The following ACBD6 variants were observed in gnomAD, a reference collection of about 807,000 sequenced individuals.
The protein encoded by ACBD6 is acyl-CoA-binding domain-containing protein 6.
A neutral mutation model predicts 37.2 loss-of-function variants in ACBD6; 28 were observed. The observed-to-expected ratio is 0.75, with a 90% CI of 0.56 to 1.03. ACBD6 has a LOEUF of 1.03. ACBD6 is among the 50% of genes least tolerant of loss of function. The probability of loss-of-function intolerance (pLI) is 0.00; values close to 1 mark genes in which losing one functional copy is unlikely to be tolerated. For synonymous variants in ACBD6, 113 were observed against 126.8 expected (o/e 0.89, Z 0.73); for missense variants, 340 against 337.4 (o/e 1.01, Z -0.06).
intron 4 of ACBD6, among the ~76,000 whole-genome samples, chr1:180,426,281 G>T (rs1047096763): frequency 1.3e-5 from 2 of 152,184 alleles, no homozygotes; most frequent in East Asian, 1.9e-4. Context: ...TCTTATTGCA[G>T]GGTGGTGTGG....
At chr1:180,490,640 A>C (rs936405924) in intron 3 of ACBD6, among the ~76,000 whole-genome samples, 1 of 151,540 alleles carries the variant, frequency 6.6e-6, no homozygotes, top group African/African-American at 2.4e-5. Context: ...AAAAAAATTA[A>C]CCGGGTGTGG....
chr1:180,463,102 C>T (rs1438934582), intron 3 of ACBD6, among the ~76,000 whole-genome samples: 1 of 152,124 alleles, frequency 6.6e-6, no homozygotes, highest in Non-Finnish European at 1.5e-5. Context: ...ATTTATAGCA[C>T]TAAAATGCCC....
At chr1:180,403,556 A>G (rs1647478712) in intron 5 of ACBD6, among the ~76,000 whole-genome samples, 3 of 152,188 alleles carry the variant, frequency 2.0e-5, no homozygotes, top group Admixed American at 6.5e-5. Flanking sequence ...GTAAAATTCA[A>G]CTTCTCTGTA....
chr1:180,418,966 T>C (rs1009568208), intron 4 of ACBD6, among the ~76,000 whole-genome samples: 5 of 152,168 alleles, frequency 3.3e-5, no homozygotes, highest in African/African-American at 1.2e-4. Flanking sequence ...AAAATCATTC[T>C]TGAGGCCGGG....
At chr1:180,321,843 C>T (rs1651084406) in intron 6 of ACBD6, among the ~76,000 whole-genome samples, 2 of 152,234 alleles carry the variant, frequency 1.3e-5, no homozygotes, top group Middle Eastern at 3.4e-3. Flanking sequence ...TTCTTCCTTT[C>T]CAATTTGGAT....
At position 180,456,372 on chromosome 1, in the gene ACBD6, G is replaced by T. The variant is rs1195827067; in HGVS notation, c.385-26110C>A. ...GTCCCCAGGGAAAGAAACTTGGGCA[G>T]ACAGCAATTGTATGTGACAGTAGCA... is the stretch of plus-strand genomic sequence containing the variant. On this transcript the variant is annotated intron_variant, in intron 3 of 7. Transcript: ENST00000367595. Among the ~76,000 whole-genome samples, 5 of 152,172 alleles carry T rather than the reference G, an allele frequency of 3.3e-5. 1 individual carries two copies. The highest frequency in any genetic ancestry group is 7.3e-5 in the Non-Finnish European group (5 of 68,032).
Position 180,446,143 on chromosome 1 carries a change from C to T in ACBD6, c.385-15881G>A, listed in dbSNP as rs550189327. On this transcript the variant is annotated intron_variant, in intron 3 of 7. Coordinates refer to ENST00000367595, the MANE Select transcript of ACBD6 (RefSeq NM_032360.4). ...TCAGCCTCCCAAGTAGCTGGGACCA[C>T]AAGCAAGCACCATCACGCCGGGATA... is the stretch of plus-strand genomic sequence containing the variant. Among the ~76,000 whole-genome samples the T allele has an allele frequency of 8.6e-5, 13 of 151,798 alleles. No homozygotes were observed. The South Asian group carries it at 2.7e-3, about 32-fold the overall frequency.
At chr1:180,468,368 CG>C in intron 3 of ACBD6, among the ~76,000 whole-genome samples, 1 of 152,238 alleles carries the variant, frequency 6.6e-6, no homozygotes, top group Non-Finnish European at 1.5e-5. Flanking sequence ...GTCCTGCTGA[CG>C]CGGGTCCTCA....
chr1:180,374,068 T>A (rs1192145655), intron 6 of ACBD6, among the ~76,000 whole-genome samples: 1 of 152,162 alleles, frequency 6.6e-6, no homozygotes, highest in Non-Finnish European at 1.5e-5. Context: ...GGAAGGCACA[T>A]CCTTAGTGCA....
At chr1:180,401,967 G>C (rs192190296) in intron 5 of ACBD6, among the ~76,000 whole-genome samples, 232 of 152,214 alleles carry the variant, frequency 1.5e-3, no homozygotes, top group African/African-American at 5.4e-3. Context: ...GAGTTGTCCT[G>C]TCATTCTATC....
chr1:180,308,865 G>C (rs921974302), intron 7 of ACBD6, among the ~76,000 whole-genome samples: 2 of 152,124 alleles, frequency 1.3e-5, no homozygotes, highest in Non-Finnish European at 1.5e-5. Context: ...ATCTTAAAAA[G>C]AATGTTTGAT....
intron 6 of ACBD6, among the ~76,000 whole-genome samples, chr1:180,355,483 T>C (rs550103074): frequency 6.6e-6 from 1 of 152,358 alleles, no homozygotes; most frequent in Admixed American, 6.5e-5. Context: ...GATGTCATAA[T>C]AGCTCACTAA....
intron 5 of ACBD6, among the ~76,000 whole-genome samples, chr1:180,407,816 T>A (rs1193221982): frequency 6.6e-6 from 1 of 152,202 alleles, no homozygotes; most frequent in African/African-American, 2.4e-5. Context: ...CTGTAAACTA[T>A]CACATGCATT....
At chr1:180,412,002 C>A (rs1647879810) in intron 5 of ACBD6, among the ~76,000 whole-genome samples, 1 of 151,004 alleles carries the variant, frequency 6.6e-6, no homozygotes. Context: ...ACTGGGAAAC[C>A]AAAAATTTCA....
At chr1:180,283,399 C>T (rs1240461104), downstream of ACBD6, among the ~76,000 whole-genome samples, 1 of 152,076 alleles carries the variant, frequency 6.6e-6, no homozygotes, top group Non-Finnish European at 1.5e-5. Flanking sequence ...AAAAACCCAC[C>T]CTGAGTGCCT....
At position 180,430,239 on chromosome 1, in the gene ACBD6, T is replaced by C. The variant is rs1648760134; in HGVS notation, c.408A>G (p.Glu136=). ...NPQIPEKKGK[E]ANTGFGGPVI... is the part of the protein sequence containing the mutation. ...CTGGCCCACCAAAACCTGTATTTGC[T>C]TCTTTTCCTTTCTTCTCTGGTATCT... The change falls in exon 4 of 8, where the codon GAA becomes GAG. Residue 136 remains glutamate, a synonymous_variant. Coordinates refer to ENST00000367595, the MANE Select transcript of ACBD6 (RefSeq NM_032360.4). 1.2e-6 allele frequency: 2 copies of C among 1,613,450 alleles called. No individual in the cohort carries two copies. The highest frequency in any genetic ancestry group is 1.7e-6 in the Non-Finnish European group (2 of 1,179,732).
downstream of ACBD6, among the ~76,000 whole-genome samples, chr1:180,286,438 A>C (rs1649502450): frequency 6.6e-6 from 1 of 152,328 alleles, no homozygotes; most frequent in South Asian, 2.1e-4. Flanking sequence ...TACCCTGTAA[A>C]TTAAAAATGA....
At chr1:180,459,967 C>CTTTTT (rs67323272) in intron 3 of ACBD6, among the ~76,000 whole-genome samples, 34 of 107,930 alleles carry the variant, frequency 3.2e-4, no homozygotes, top group African/African-American at 8.1e-4. Flanking sequence ...CAGACTGCTT[C>CTTTTT]TTTTTTTTTT....
intron 3 of ACBD6, among the ~76,000 whole-genome samples, chr1:180,486,603 G>A (rs1029380437): frequency 1.3e-5 from 2 of 152,154 alleles, no homozygotes; most frequent in East Asian, 3.8e-4. Context: ...AATAAATGAA[G>A]ACAAAATTAT....
Sources: allele counts gnomAD v4.1 joint callset (sites outside exome capture counted in the v4.1 genomes callset), GRCh38; gene constraint gnomAD v4.1.1; transcripts MANE v1.5; gene names NCBI Gene and HGNC (gene_info 2026-07-23, HGNC 2026-07-21).